Variants in RNF144B observed in about 807,000 individuals in gnomAD.
The protein encoded by RNF144B is E3 ubiquitin-protein ligase RNF144B.
In RNF144B, 25 loss-of-function variants were observed where a neutral mutation model predicts 40.2. That is an observed-to-expected ratio of 0.62 (90% confidence interval 0.45 to 0.87). The LOEUF (loss-of-function observed/expected upper bound fraction) is 0.87. RNF144B is among the 40% of genes least tolerant of loss of function. The pLI, the probability that RNF144B is intolerant of heterozygous loss-of-function variation, is 0.00. For synonymous variants in RNF144B, 145 were observed against 136.3 expected, an observed-to-expected ratio of 1.06 and a Z score of -0.44; for missense variants, 365 against 373.7, an observed-to-expected ratio of 0.98 and a Z score of 0.19.
chr6:18,420,052 T>G (rs1795225231), intron 2 of RNF144B, among the ~76,000 whole-genome samples: 1 of 152,122 alleles, frequency 6.6e-6, no homozygotes, highest in South Asian at 2.1e-4. Flanking sequence ...TTCATATGTT[T>G]CAGTTATCAG....
In RNF144B at chr6:18,430,071, A is replaced by C. The variant is rs1182790537; in HGVS notation, c.270+2386A>C. Reference sequence around the variant, plus strand: ...TAAGTGAATAGCTTGGTGAAATTTCAAAAAAAGTCCATGACATTTATCGGA... The same window carrying C: ...TAAGTGAATAGCTTGGTGAAATTTCCAAAAAAGTCCATGACATTTATCGGA... On this transcript the variant is annotated intron_variant, in intron 3 of 7. Transcript: ENST00000259939. Among the ~76,000 whole-genome samples, 3 of 149,722 alleles carry C rather than the reference A, an allele frequency of 2.0e-5. No homozygotes were observed. In the Admixed American group the frequency reaches 2.0e-4, roughly 10 times the overall value.
chr6:18,421,156 G>A (rs576050366), intron 2 of RNF144B, among the ~76,000 whole-genome samples: 1 of 151,986 alleles, frequency 6.6e-6, no homozygotes, highest in South Asian at 2.1e-4. Flanking sequence ...AGAGGCTGAG[G>A]TGAGAAGATT....
In RNF144B at chr6:18,465,022, G is replaced by A. The variant is rs763181317; in HGVS notation, c.867G>A (p.Lys289=). The A allele has an allele frequency of 1.2e-5, 20 of 1,613,724 alleles. No homozygotes were observed. The highest frequency in any genetic ancestry group is 3.3e-5 in the Admixed American group (2 of 59,944). ...ASPCIICCVC[K]SCRGKKKKHD... is the part of the protein sequence containing the mutation. ...CATGTATAATCTGTTGTGTCTGCAA[G>A]TCCTGTCGGGGCAAGAAGAAAAAGC... Residue 289 remains lysine, a synonymous_variant, in exon 8 of 8, where the codon AAG becomes AAA. Coordinates refer to ENST00000259939, the MANE Select transcript of RNF144B (RefSeq NM_182757.4).
chr6:18,413,001 A>G (rs1795078217), intron 2 of RNF144B, among the ~76,000 whole-genome samples: 1 of 152,198 alleles, frequency 6.6e-6, no homozygotes, highest in South Asian at 2.1e-4. Flanking sequence ...GCATTTGAGT[A>G]CCTTTCATAT....
chr6:18,454,129 A>G (rs1759276632), intron 4 of RNF144B, among the ~76,000 whole-genome samples: 2 of 152,208 alleles, frequency 1.3e-5, no homozygotes, highest in South Asian at 4.1e-4. Flanking sequence ...TCCAAGCATC[A>G]TAACCTCACA....
At chr6:18,404,686 TAGA>T (rs1408020348) in intron 2 of RNF144B, among the ~76,000 whole-genome samples, 1 of 151,714 alleles carries the variant, frequency 6.6e-6, no homozygotes, top group Non-Finnish European at 1.5e-5. Flanking sequence ...ACTAAATATC[TAGA>T]ATTAGGACTT....
chr6:18,403,976 A>G (rs182218297), intron 2 of RNF144B, among the ~76,000 whole-genome samples: 27 of 152,302 alleles, frequency 1.8e-4, no homozygotes, highest in African/African-American at 5.8e-4. Context: ...CACAGCAAGA[A>G]CTCAGCCACT....
chr6:18,456,562 C>G lies in RNF144B; in HGVS notation c.332-593C>G, dbSNP rs1759330180. Among the ~76,000 whole-genome samples the G allele has an allele frequency of 6.6e-6, 1 of 152,168 alleles. No individual in the cohort carries two copies. The highest frequency in any genetic ancestry group is 2.4e-5 in the African/African-American group (1 of 41,440). ...TACGTGCTCAAAGGTGGGAAATATT[C>G]TAAAAGTCTTGTGAATTTTGTTTAC... On this transcript the variant is annotated intron_variant, in intron 4 of 7. Coordinates refer to ENST00000259939, the MANE Select transcript of RNF144B (RefSeq NM_182757.4). The surrounding 1 kb of genome is among the most constrained non-coding windows in gnomAD (Gnocchi z 4.7).
rs1178929291 is a variant in RNF144B, at chr6:18,400,086, A to G, written c.165+387A>G. Among the ~76,000 whole-genome samples the G allele has an allele frequency of 1.3e-5, 2 of 152,070 alleles. No individual in the cohort carries two copies. Among genetic ancestry groups the G allele is most frequent in the African/African-American group, 2.4e-5 (1 of 41,388 alleles). On this transcript the variant is annotated intron_variant, in intron 2 of 7. Transcript: ENST00000259939. This position sits in a 1 kb window ranked among gnomAD's most constrained non-coding sequence, Gnocchi z 5.6. ...GAAGATCGAGACCATCCTAGCTAACATGGTAAAACCCCGTCTCTACTAAAA... is the reference window on the plus strand; with the variant it reads ...GAAGATCGAGACCATCCTAGCTAACGTGGTAAAACCCCGTCTCTACTAAAA...
intron 1 of RNF144B, among the ~76,000 whole-genome samples, chr6:18,393,747 T>G (rs1468024581): frequency 1.3e-5 from 2 of 152,154 alleles, no homozygotes; most frequent in Non-Finnish European, 2.9e-5. Context: ...CGAGAATATG[T>G]CTCCATTTTA....
rs1794897584 is a variant in RNF144B at position 18,406,082 on chromosome 6, G to A, written c.165+6383G>A. The A allele has an allele frequency of 1.9e-6, 1 of 518,978 alleles. No individual in the cohort carries two copies. Among genetic ancestry groups the A allele is most frequent in the Non-Finnish European group, 3.8e-6 (1 of 259,854 alleles). The allele number at this position is 518,978 out of a possible 1,614,324, so 32.1% of individuals were successfully genotyped here. The stretch of plus-strand genomic sequence containing the variant: ...ATTCAACAAATATTTGCTGTGTCTT[G>A]CATAGTTCTGATGGTTTGAATATAG... On this transcript the variant is annotated intron_variant, in intron 2 of 7. Transcript: ENST00000259939. The surrounding 1 kb of genome is among the most constrained non-coding windows in gnomAD (Gnocchi z 4.2).
chr6:18,405,294 C>T lies in RNF144B; in HGVS notation c.165+5595C>T, dbSNP rs748998039. ...GTTCAAGTGGTTCTCCTGCCTCAGCCTCCGGAGTAGCTGGGATTACAGGCA... is the reference window on the plus strand; with the variant it reads ...GTTCAAGTGGTTCTCCTGCCTCAGCTTCCGGAGTAGCTGGGATTACAGGCA... On this transcript the variant is annotated intron_variant, in intron 2 of 7. Transcript: ENST00000259939. This position sits in a 1 kb window ranked among gnomAD's most constrained non-coding sequence, Gnocchi z 4.5. 2.1e-4 allele frequency among the ~76,000 whole-genome samples: 32 copies of T among 151,976 alleles called. No individual in the cohort carries two copies. Among genetic ancestry groups the T allele is most frequent in the Non-Finnish European group, 3.7e-4 (25 of 67,998 alleles).
chr6:18,393,863 T>A (rs1794636888), intron 1 of RNF144B, among the ~76,000 whole-genome samples: 1 of 152,210 alleles, frequency 6.6e-6, no homozygotes, highest in Admixed American at 6.5e-5. Flanking sequence ...TTATTCTAGC[T>A]ACTTCACAGT....
At chr6:18,461,255 A>T (rs1209442139) in intron 6 of RNF144B, among the ~76,000 whole-genome samples, 1 of 152,216 alleles carries the variant, frequency 6.6e-6, no homozygotes, top group East Asian at 1.9e-4. Flanking sequence ...AGTTTGGAAG[A>T]AATATCTTCT....
At position 18,405,570 on chromosome 6, in the gene RNF144B, T is replaced by G. The variant is rs989349836; in HGVS notation, c.165+5871T>G. Among the ~76,000 whole-genome samples the G allele has an allele frequency of 2.0e-5, 3 of 152,204 alleles. No homozygotes were observed. The highest frequency in any genetic ancestry group is 4.4e-5 in the Non-Finnish European group (3 of 68,034). On this transcript the variant is annotated intron_variant, in intron 2 of 7. Coordinates refer to ENST00000259939, the MANE Select transcript of RNF144B (RefSeq NM_182757.4). The surrounding 1 kb of genome is among the most constrained non-coding windows in gnomAD (Gnocchi z 4.5). ...TGTTTGTGAAATAACTTCAATATAC[T>G]CACTGCTTATATCCATTAAGAGATT...
At position 18,452,964 on chromosome 6, in the gene RNF144B, G is replaced by T. The variant is rs542778759; in HGVS notation, c.332-4191G>T. Among the ~76,000 whole-genome samples the T allele has an allele frequency of 1.4e-4, 21 of 151,816 alleles. 2 individuals carry two copies. In the South Asian group the frequency reaches 3.5e-3, roughly 26 times the overall value. On this transcript the variant is annotated intron_variant, in intron 4 of 7. Coordinates refer to ENST00000259939, the MANE Select transcript of RNF144B (RefSeq NM_182757.4). The stretch of plus-strand genomic sequence containing the variant: ...CATGGCTGGCTACTTTTTTGTTGTT[G>T]TTGTGGAGATGAGATTTCACCACTG...
At position 18,434,656 on chromosome 6, in the gene RNF144B, C is replaced by G. The variant is rs1052118348; in HGVS notation, c.271-5028C>G. ...TTGTTTTTTTAGACAGAGTCTTGCTCTGTCGCCCAGGCTGGAATGCAGTGG... is the reference window on the plus strand; with the variant it reads ...TTGTTTTTTTAGACAGAGTCTTGCTGTGTCGCCCAGGCTGGAATGCAGTGG... On this transcript the variant is annotated intron_variant, in intron 3 of 7. Transcript: ENST00000259939. This position sits in a 1 kb window ranked among gnomAD's most constrained non-coding sequence, Gnocchi z 4.1. 1.3e-5 allele frequency among the ~76,000 whole-genome samples: 2 copies of G among 152,054 alleles called. No individual in the cohort carries two copies. The highest frequency in any genetic ancestry group is 1.9e-4 in the East Asian group (1 of 5,180).
Position 18,457,090 on chromosome 6 carries a change from T to C in RNF144B, c.332-65T>C. The C allele has an allele frequency of 5.8e-6, 7 of 1,213,230 alleles. No homozygotes were observed. Among genetic ancestry groups the C allele is most frequent in the African/African-American group, 1.5e-5 (1 of 67,184 alleles). 75.2% of individuals were successfully genotyped at this position (1,213,230 alleles called of 1,614,324 possible). On this transcript the variant is annotated intron_variant, in intron 4 of 7. Coordinates refer to ENST00000259939, the MANE Select transcript of RNF144B (RefSeq NM_182757.4). The surrounding 1 kb of genome is among the most constrained non-coding windows in gnomAD (Gnocchi z 5.1). Reference sequence around the variant, plus strand: ...TAAATTAAATAAATAAGAGGGCAAATGAAGGTGAGAAAGACTCAAACATGA... The same window carrying C: ...TAAATTAAATAAATAAGAGGGCAAACGAAGGTGAGAAAGACTCAAACATGA...
chr6:18,394,903 C>T (rs1451795316), intron 1 of RNF144B, among the ~76,000 whole-genome samples: 4 of 152,152 alleles, frequency 2.6e-5, no homozygotes, highest in Non-Finnish European at 5.9e-5. Context: ...CAAACTCAGA[C>T]GTTTCAGAAT....
Sources: allele counts gnomAD v4.1 joint callset (sites outside exome capture counted in the v4.1 genomes callset), GRCh38; gene constraint gnomAD v4.1.1; non-coding constraint Gnocchi (gnomAD v3.1); transcripts MANE v1.5; gene names NCBI Gene and HGNC (gene_info 2026-07-23, HGNC 2026-07-21).